The following MAGI2 variants were observed in gnomAD, a reference collection of about 807,000 sequenced individuals.
The protein encoded by MAGI2 is membrane-associated guanylate kinase, WW and PDZ domain-containing protein 2.
MAGI2 carries 35 observed loss-of-function variants against 133.3 expected under a neutral mutation model. The observed-to-expected ratio is 0.26, with a 90% CI of 0.20 to 0.35. MAGI2 has a LOEUF of 0.35. MAGI2 is among the 10% of genes least tolerant of loss of function. MAGI2 has a pLI of 1.00. For synonymous variants in MAGI2, 729 were observed against 710.6 expected (o/e 1.03, Z -0.41); for missense variants, 1,636 against 1,863.4 (o/e 0.88, Z 2.25).
rs550977164 is a variant in MAGI2, at chr7:78,046,116, C to T, written c.3707-26140G>A. Among the ~76,000 whole-genome samples the T allele has an allele frequency of 4.6e-5, 7 of 151,946 alleles. No homozygotes were observed. In the East Asian group the frequency reaches 1.4e-3, roughly 29 times the overall value. ...AAAGGACCAGAAATAGGAATGTGGGCCAGGCACGGTGGCTCATGCCTGTCA... is the reference window on the plus strand; with the variant it reads ...AAAGGACCAGAAATAGGAATGTGGGTCAGGCACGGTGGCTCATGCCTGTCA... On this transcript the variant is annotated intron_variant, in intron 21 of 21. Transcript: ENST00000354212.
chr7:78,585,404 T>C (rs1264421432), intron 3 of MAGI2, among the ~76,000 whole-genome samples: 1 of 152,132 alleles, frequency 6.6e-6, no homozygotes, highest in Non-Finnish European at 1.5e-5. Context: ...TCCAGTGCAA[T>C]AGTGACTGTA....
In MAGI2 at chr7:78,312,399, C is replaced by T. The variant is rs576784082; in HGVS notation, c.1408+31379G>A. ...TAGGCGAACTGTAAATTTTAGCTAC[C>T]GCAAAAAGTATCATAAAAACTTATT... On this transcript the variant is annotated intron_variant, in intron 9 of 21. Coordinates refer to ENST00000354212, the MANE Select transcript of MAGI2 (RefSeq NM_012301.4). Among the ~76,000 whole-genome samples the T allele has an allele frequency of 3.5e-4, 53 of 151,968 alleles. 1 individual carries two copies. Among genetic ancestry groups the T allele is most frequent in the Middle Eastern group, 3.4e-3 (1 of 294 alleles).
At chr7:78,798,280 A>G (rs1205665988) in intron 2 of MAGI2, among the ~76,000 whole-genome samples, 1 of 152,126 alleles carries the variant, frequency 6.6e-6, no homozygotes, top group African/African-American at 2.4e-5. Context: ...CAATTATCCA[A>G]TTTTGTATCA....
At chr7:79,323,418 T>C (rs1291896279) in intron 1 of MAGI2, among the ~76,000 whole-genome samples, 1 of 151,992 alleles carries the variant, frequency 6.6e-6, no homozygotes, top group African/African-American at 2.4e-5. Flanking sequence ...CACCTAGAAG[T>C]ATGGAGCAGT....
At chr7:79,013,440 C>T (rs146436676) in intron 1 of MAGI2, among the ~76,000 whole-genome samples, 7 of 152,070 alleles carry the variant, frequency 4.6e-5, no homozygotes, top group Non-Finnish European at 8.8e-5. Flanking sequence ...AATGAGTAAC[C>T]GCAAATGTAC....
At chr7:79,021,902 C>G (rs1376318137) in intron 1 of MAGI2, among the ~76,000 whole-genome samples, 4 of 152,116 alleles carry the variant, frequency 2.6e-5, no homozygotes, top group African/African-American at 7.2e-5. Context: ...AGGGTGGGAC[C>G]AGGTGGAGAT....
intron 1 of MAGI2, among the ~76,000 whole-genome samples, chr7:79,289,002 C>G (rs144433415): frequency 6.6e-6 from 1 of 152,120 alleles, no homozygotes; most frequent in Non-Finnish European, 1.5e-5. Context: ...TTGGAGCCAA[C>G]TGAAACTGGA....
intron 1 of MAGI2, among the ~76,000 whole-genome samples, chr7:79,256,647 C>A (rs554093185): frequency 6.6e-6 from 1 of 151,880 alleles, no homozygotes; most frequent in African/African-American, 2.4e-5. Flanking sequence ...TGCACCACCA[C>A]GTCCAGTAAT....
chr7:78,232,377 A>G (rs1346297947), intron 10 of MAGI2, among the ~76,000 whole-genome samples: 3 of 152,224 alleles, frequency 2.0e-5, no homozygotes, highest in Middle Eastern at 3.2e-3. Flanking sequence ...ACATGGTTTT[A>G]TAACATAAAA....
At chr7:78,458,156 C>T (rs868370392) in intron 6 of MAGI2, among the ~76,000 whole-genome samples, 9 of 151,920 alleles carry the variant, frequency 5.9e-5, no homozygotes, top group Non-Finnish European at 1.0e-4. Flanking sequence ...ATTAGCTGCG[C>T]GTGGTGGCAC....
chr7:79,331,954 A>AT (rs1395835801), intron 1 of MAGI2, among the ~76,000 whole-genome samples: 3 of 152,180 alleles, frequency 2.0e-5, no homozygotes, highest in African/African-American at 7.2e-5. Flanking sequence ...AATAAAAAAA[A>AT]AAAGGAAAAA....
intron 21 of MAGI2, among the ~76,000 whole-genome samples, chr7:78,039,902 A>C (rs1048063236): frequency 6.6e-6 from 1 of 152,208 alleles, no homozygotes; most frequent in Non-Finnish European, 1.5e-5. Context: ...ATTCTGGCTC[A>C]GTCTTGAAGT....
intron 1 of MAGI2, among the ~76,000 whole-genome samples, chr7:79,107,988 A>C (rs1818583202): frequency 6.6e-6 from 1 of 152,228 alleles, no homozygotes; most frequent in East Asian, 1.9e-4. Flanking sequence ...ACTATTACAA[A>C]GTACTTGATT....
intron 1 of MAGI2, among the ~76,000 whole-genome samples, chr7:79,209,791 T>C (rs1167376233): frequency 1.3e-5 from 2 of 152,072 alleles, no homozygotes; most frequent in East Asian, 3.9e-4. Context: ...AAAATAATAA[T>C]TTATTTAATA....
At chr7:79,157,260 C>A (rs895158540) in intron 1 of MAGI2, among the ~76,000 whole-genome samples, 9 of 152,006 alleles carry the variant, frequency 5.9e-5, no homozygotes, top group African/African-American at 1.7e-4. Flanking sequence ...CCTTAGGTGA[C>A]TGGGGACCTT....
chr7:78,066,289 C>T (rs1813811806), intron 21 of MAGI2, among the ~76,000 whole-genome samples: 1 of 151,950 alleles, frequency 6.6e-6, no homozygotes, highest in South Asian at 2.1e-4. Flanking sequence ...TGGTGAAACG[C>T]CATCTCTGCT....
intron 1 of MAGI2, among the ~76,000 whole-genome samples, chr7:79,405,539 A>T (rs1245099343): frequency 6.6e-6 from 1 of 152,132 alleles, no homozygotes; most frequent in Admixed American, 6.6e-5. Flanking sequence ...ACAGTACCCT[A>T]ACTCCACTGT....
chr7:78,562,057 G>A (rs915856456), intron 3 of MAGI2, among the ~76,000 whole-genome samples: 1 of 152,068 alleles, frequency 6.6e-6, no homozygotes, highest in Non-Finnish European at 1.5e-5. Context: ...CTCTATTAGG[G>A]TACATGCTTC....
At chr7:79,350,909 T>A (rs979468456) in intron 1 of MAGI2, among the ~76,000 whole-genome samples, 1 of 152,270 alleles carries the variant, frequency 6.6e-6, no homozygotes, top group Middle Eastern at 3.4e-3. Flanking sequence ...TTTAATTGAT[T>A]GTATGAAACA....
Sources: allele counts gnomAD v4.1 joint callset (sites outside exome capture counted in the v4.1 genomes callset), GRCh38; gene constraint gnomAD v4.1.1; transcripts MANE v1.5; gene names NCBI Gene and HGNC (gene_info 2026-07-23, HGNC 2026-07-21).